Variants in ARHGAP35 observed in about 807,000 individuals in gnomAD.
The protein encoded by ARHGAP35 is rho GTPase-activating protein 35.
A neutral mutation model predicts 111.1 loss-of-function variants in ARHGAP35; 15 were observed. The observed-to-expected ratio is 0.13, with a 90% CI of 0.09 to 0.21. ARHGAP35 has a LOEUF of 0.21. ARHGAP35 is among the 10% of genes least tolerant of loss of function. ARHGAP35 has a pLI of 1.00. For synonymous variants in ARHGAP35, 643 were observed against 710.3 expected (o/e 0.91, Z 1.51); for missense variants, 1,262 against 1,873.0 (o/e 0.67, Z 6.02).
chr19:46,923,870 A>G (rs2056222649), intron 2 of ARHGAP35, among the ~76,000 whole-genome samples: 1 of 151,758 alleles, frequency 6.6e-6, no homozygotes, highest in African/African-American at 2.4e-5. Context: ...GCAGTGAGCC[A>G]AGTTCACGAC....
At position 46,922,071 on chromosome 19, in the gene ARHGAP35, T is replaced by C. The variant is rs574446078; in HGVS notation, c.3396T>C (p.Asn1132=). 21 of 1,614,052 alleles carry C rather than the reference T, an allele frequency of 1.3e-5. No individual in the cohort carries two copies. Among genetic ancestry groups the C allele is most frequent in the African/African-American group, 8.0e-5 (6 of 75,066 alleles). ...INKAQSNGSG[N]GSDSEMDTSS... ...AAGCCCAGTCCAACGGCAGCGGGAA[T>C]GGTTCTGACAGTGAAATGGACACCA... The change falls in exon 2 of 7, where the codon AAT becomes AAC. Residue 1132 remains asparagine (N), a synonymous_variant. Coordinates refer to ENST00000672722, the MANE Select transcript of ARHGAP35 (RefSeq NM_004491.5). This position sits in a 1 kb window ranked among gnomAD's most constrained non-coding sequence, Gnocchi z 4.0.
chr19:46,960,558 G>C (rs148242835), intron 3 of ARHGAP35, among the ~76,000 whole-genome samples: 2 of 152,044 alleles, frequency 1.3e-5, no homozygotes, highest in Admixed American at 6.6e-5. Context: ...TTTATTCCAC[G>C]TATTTCTGTA....
rs905274847 is a variant in ARHGAP35, at chr19:46,919,967, A to C, written c.1292A>C (p.Glu431Ala). The C allele has an allele frequency of 2.5e-6, 4 of 1,613,904 alleles. No homozygotes were observed. The highest frequency in any genetic ancestry group is 3.4e-6 in the Non-Finnish European group (4 of 1,179,900). The change falls in exon 2 of 7, where the codon GAG (glutamate) becomes GCG (alanine). Residue 431 changes from glutamate (E) to alanine (A), a missense_variant. Coordinates refer to ENST00000672722, the MANE Select transcript of ARHGAP35 (RefSeq NM_004491.5). This position sits in a 1 kb window ranked among gnomAD's most constrained non-coding sequence, Gnocchi z 6.2. Reference sequence around the variant, plus strand: ...CTGAGGAACGAAAGGAAAAGAGTTGAGATGCGAAGGGCGTTTAAAGAAAAC... The same window carrying C: ...CTGAGGAACGAAAGGAAAAGAGTTGCGATGCGAAGGGCGTTTAAAGAAAAC... ...EKLRNERKRVEMRRAFKENLE... is the reference protein window; with the variant it reads ...EKLRNERKRVAMRRAFKENLE...
At chr19:46,998,240 G>GC (rs1291104958) in intron 5 of ARHGAP35, among the ~76,000 whole-genome samples, 1 of 152,134 alleles carries the variant, frequency 6.6e-6, no homozygotes, top group African/African-American at 2.4e-5. Flanking sequence ...AGGAGCCCGA[G>GC]CCCCCGGGCC....
At chr19:46,978,718 GAT>G (rs2056597876) in intron 3 of ARHGAP35, among the ~76,000 whole-genome samples, 1 of 132,912 alleles carries the variant, frequency 7.5e-6, no homozygotes, top group Non-Finnish European at 1.6e-5. Context: ...TGTGTGGTGG[GAT>G]GTGTGTGTGG....
chr19:46,979,678 T>C (rs1024635601), intron 3 of ARHGAP35, among the ~76,000 whole-genome samples: 1 of 152,186 alleles, frequency 6.6e-6, no homozygotes, highest in Non-Finnish European at 1.5e-5. Context: ...AGCCCTGAGA[T>C]TTATGACATG....
At chr19:46,951,321 G>A (rs2056411798) in intron 3 of ARHGAP35, among the ~76,000 whole-genome samples, 1 of 152,210 alleles carries the variant, frequency 6.6e-6, no homozygotes, top group Non-Finnish European at 1.5e-5. Context: ...GCGGGGATGG[G>A]GAAAGTACAG....
chr19:46,930,968 T>G (rs2056269552), intron 2 of ARHGAP35, among the ~76,000 whole-genome samples: 1 of 152,170 alleles, frequency 6.6e-6, no homozygotes, highest in Non-Finnish European at 1.5e-5. Flanking sequence ...TTCTAGGAAC[T>G]TAGCCTAGTA....
chr19:46,996,555 C>T (rs2056709540), intron 5 of ARHGAP35, among the ~76,000 whole-genome samples: 1 of 152,018 alleles, frequency 6.6e-6, no homozygotes, highest in Non-Finnish European at 1.5e-5. Flanking sequence ...CCGTTTCCTG[C>T]CTCCAGCCAG....
In ARHGAP35 at chr19:46,863,654, CCG is replaced by C. The variant is rs201271798; in HGVS notation, c.-189+2447_-189+2448del. On this transcript the variant is annotated intron_variant, in intron 1 of 6. Coordinates refer to ENST00000672722, the MANE Select transcript of ARHGAP35 (RefSeq NM_004491.5). ...CCTAGGAGTGTCCTTCCCTTCCCCC[CCG>C]CCTTCGCCCCTCCCCCCCAGCTAAC... Among the ~76,000 whole-genome samples, 267 of 152,112 alleles carry C rather than the reference CCG, an allele frequency of 1.8e-3. 1 individual carries two copies. The Middle Eastern group carries it at 0.02, about 12-fold the overall frequency.
At chr19:46,973,323 C>T (rs771673141) in intron 3 of ARHGAP35, among the ~76,000 whole-genome samples, 3 of 151,982 alleles carry the variant, frequency 2.0e-5, no homozygotes, top group South Asian at 4.2e-4. Flanking sequence ...GAGATCGTGC[C>T]GCTGCACTCC....
intron 3 of ARHGAP35, among the ~76,000 whole-genome samples, chr19:46,974,799 C>A (rs1442258527): frequency 6.6e-6 from 1 of 152,112 alleles, no homozygotes; most frequent in Non-Finnish European, 1.5e-5. Context: ...TTCTGGAGAC[C>A]AGCCCCCATA....
Position 46,994,401 on chromosome 19 carries a change from T to G in ARHGAP35, c.4036+4726T>G, listed in dbSNP as rs527461915. Among the ~76,000 whole-genome samples, 2 of 152,174 alleles carry G rather than the reference T, an allele frequency of 1.3e-5. No individual in the cohort carries two copies. Among genetic ancestry groups the G allele is most frequent in the South Asian group, 4.1e-4 (2 of 4,828 alleles). On this transcript the variant is annotated intron_variant, in intron 5 of 6. Transcript: ENST00000672722. This position sits in a 1 kb window ranked among gnomAD's most constrained non-coding sequence, Gnocchi z 5.4. ...GTGGCCCCAGCCTTCGGCAGCACCA[T>G]AGGGTAGAAGGTGTCCAGGGTGCAC...
rs993213978 is a variant in ARHGAP35 at position 47,000,239 on chromosome 19, G to A, written c.4143-92G>A. 6 of 1,342,050 alleles carry A rather than the reference G, an allele frequency of 4.5e-6. No homozygotes were observed. The South Asian group carries it at 5.4e-5, about 12-fold the overall frequency. 83.1% of individuals were successfully genotyped at this position (1,342,050 alleles called of 1,614,324 possible). ...TTCTGCTCCACCTGAGGGAAGAAAG[G>A]TGGGCTCAGCCTGGGTGCTGAAGAC... On this transcript the variant is annotated intron_variant, in intron 6 of 6. Coordinates refer to ENST00000672722, the MANE Select transcript of ARHGAP35 (RefSeq NM_004491.5). The surrounding 1 kb of genome is among the most constrained non-coding windows in gnomAD (Gnocchi z 6.9).
At chr19:46,928,578 G>A (rs1448744617) in intron 2 of ARHGAP35, among the ~76,000 whole-genome samples, 1 of 151,992 alleles carries the variant, frequency 6.6e-6, no homozygotes, top group Non-Finnish European at 1.5e-5. Context: ...CTGGCCACGA[G>A]TTGTCTTCTC....
chr19:46,973,054 CT>C, intron 3 of ARHGAP35, among the ~76,000 whole-genome samples: 1 of 152,132 alleles, frequency 6.6e-6, no homozygotes, highest in Non-Finnish European at 1.5e-5. Flanking sequence ...TGTACATTTT[CT>C]TTTCTTTTTT....
intron 5 of ARHGAP35, among the ~76,000 whole-genome samples, chr19:46,997,158 A>C (rs2122358607): frequency 6.6e-6 from 1 of 152,282 alleles, no homozygotes; most frequent in Non-Finnish European, 1.5e-5. Context: ...CTCCATTTCA[A>C]AAAAAGAAAA....
chr19:46,960,509 TTAG>T (rs2056473990), intron 3 of ARHGAP35, among the ~76,000 whole-genome samples: 1 of 152,198 alleles, frequency 6.6e-6, no homozygotes, highest in African/African-American at 2.4e-5. Flanking sequence ...GAGTTTCTTA[TTAG>T]AGAACAGATT....
At position 46,988,444 on chromosome 19, in the gene ARHGAP35, C is replaced by T. The variant is rs1438865863; in HGVS notation, c.3904+378C>T. On this transcript the variant is annotated intron_variant, in intron 4 of 6. Coordinates refer to ENST00000672722, the MANE Select transcript of ARHGAP35 (RefSeq NM_004491.5). The surrounding 1 kb of genome is among the most constrained non-coding windows in gnomAD (Gnocchi z 5.4). The stretch of plus-strand genomic sequence containing the variant: ...CGGGTTGAGATGTGATCCTGTTTTG[C>T]CAGGGCCTCAGATCTACCCTCCTCA... 2.2e-5 allele frequency: 5 copies of T among 227,776 alleles called. No homozygotes were observed. In the Admixed American group the frequency reaches 2.6e-4, roughly 12 times the overall value. 14.1% of individuals were successfully genotyped at this position (227,776 alleles called of 1,614,324 possible).
Sources: gnomAD v4.1 joint callset for allele counts (sites outside exome capture counted in the v4.1 genomes callset) on GRCh38, gnomAD v4.1.1 for gene constraint, Gnocchi (gnomAD v3.1) non-coding constraint, MANE v1.5 for transcripts, NCBI Gene and HGNC (gene_info 2026-07-23, HGNC 2026-07-21) for gene names.